The following MOB1B variants were observed in gnomAD, a reference collection of about 807,000 sequenced individuals.
MOB1B encodes MOB kinase activator 1B.
A neutral mutation model predicts 24.4 loss-of-function variants in MOB1B; 19 were observed. The ratio of observed to expected loss-of-function variants is 0.78; its 90% CI spans 0.54 to 1.14. MOB1B has a LOEUF of 1.14. MOB1B is among the 50% of genes most tolerant of loss of function. The pLI is 0.00. For missense variants in MOB1B, 243 were observed against 259.6 expected (o/e 0.94, Z 0.44); for synonymous variants, 76 against 82.1 (o/e 0.93, Z 0.40).
chr4:70,975,810 A>T (rs1738962261), intron 4 of MOB1B: 2 of 927,242 alleles, frequency 2.2e-6, no homozygotes, highest in African/African-American at 1.8e-5. Context: ...TTTTAATCTT[A>T]TGCACTTACA....
At chr4:70,956,756 TGAGTA>T (rs1206290378) in intron 1 of MOB1B, among the ~76,000 whole-genome samples, 1 of 152,136 alleles carries the variant, frequency 6.6e-6, no homozygotes, top group Non-Finnish European at 1.5e-5. Context: ...CTTTTGCTGT[TGAGTA>T]GAGATAGGAG....
rs187272978 is a variant in MOB1B, at chr4:70,934,035, A to G, written c.15-24839A>G. 4.1e-3 allele frequency among the ~76,000 whole-genome samples: 627 copies of G among 152,246 alleles called. 3 individuals carry two copies. Among genetic ancestry groups the G allele is most frequent in the Non-Finnish European group, 7.1e-3 (482 of 68,014 alleles). ...AGATCTTGTCTCTACAAAGAAGAAA[A>G]AAAGTTTTGCAAATACCACATACAT... On this transcript the variant is annotated intron_variant, in intron 1 of 5. Transcript: ENST00000309395.
At chr4:70,910,531 T>C (rs1441659622) in intron 1 of MOB1B, among the ~76,000 whole-genome samples, 2 of 152,044 alleles carry the variant, frequency 1.3e-5, no homozygotes, top group East Asian at 3.9e-4. Context: ...GGAAGTCTTA[T>C]GTTACCAGGC....
intron 2 of MOB1B, among the ~76,000 whole-genome samples, chr4:70,969,453 A>G (rs1738666531): frequency 6.6e-6 from 1 of 152,080 alleles, no homozygotes; most frequent in Non-Finnish European, 1.5e-5. Flanking sequence ...AATGTGTTGG[A>G]TTCTTGCCTT....
Position 70,968,881 on chromosome 4 carries a change from C to G in MOB1B, c.182-1050C>G, listed in dbSNP as rs145598176. Among the ~76,000 whole-genome samples the G allele has an allele frequency of 2.0e-3, 298 of 152,266 alleles. 1 individual carries two copies. Among genetic ancestry groups the G allele is most frequent in the African/African-American group, 6.8e-3 (284 of 41,558 alleles). ...CAAGCCATTCTCTTGCCTCAGCCTC[C>G]CAAAATGCTGGGATTACAGGTGTGA... On this transcript the variant is annotated intron_variant, in intron 2 of 5. Coordinates refer to ENST00000309395, the MANE Select transcript of MOB1B (RefSeq NM_173468.4).
intron 1 of MOB1B, among the ~76,000 whole-genome samples, chr4:70,946,634 A>G (rs567457937): frequency 5.3e-5 from 8 of 152,334 alleles, no homozygotes; most frequent in African/African-American, 1.9e-4. Context: ...GAAAAATGCT[A>G]GTTCCTATTG....
intron 1 of MOB1B, among the ~76,000 whole-genome samples, chr4:70,938,713 TAAATCCC>T (rs1393499433): frequency 0.028 from 3 of 106 alleles, no homozygotes; most frequent in African/African-American, 0.11. Flanking sequence ...CACTAATTCC[TAAATCCC>T]TAAATCTTTT....
At chr4:70,946,475 T>C (rs541061406) in intron 1 of MOB1B, among the ~76,000 whole-genome samples, 7 of 152,196 alleles carry the variant, frequency 4.6e-5, no homozygotes, top group Admixed American at 6.5e-5. Context: ...AAAAGAAATA[T>C]AAACAAATAA....
At position 70,940,665 on chromosome 4, in the gene MOB1B, T is replaced by C. The variant is rs868587715; in HGVS notation, c.15-18209T>C. On this transcript the variant is annotated intron_variant, in intron 1 of 5. Transcript: ENST00000309395. Reference sequence around the variant, plus strand: ...TTTCAGGTTAATAATAAAAATAATATTAGGGCATTAATTTTTTTTTTTTTT... The same window carrying C: ...TTTCAGGTTAATAATAAAAATAATACTAGGGCATTAATTTTTTTTTTTTTT... Among the ~76,000 whole-genome samples, 20 of 151,958 alleles carry C rather than the reference T, an allele frequency of 1.3e-4. No homozygotes were observed. The Middle Eastern group carries it at 0.017, about 131-fold the overall frequency.
intron 1 of MOB1B, among the ~76,000 whole-genome samples, chr4:70,933,521 G>A (rs1578364429): frequency 1.3e-5 from 2 of 149,972 alleles, no homozygotes; most frequent in East Asian, 3.9e-4. Flanking sequence ...TAGTTCTATA[G>A]GGCTTGTAAT....
upstream of MOB1B, among the ~76,000 whole-genome samples, chr4:70,902,110 G>A (rs564773467): frequency 2.0e-5 from 3 of 152,294 alleles, no homozygotes; most frequent in East Asian, 3.9e-4. Flanking sequence ...CTCCTAACCG[G>A]GTGGACAGGG....
At chr4:70,955,388 G>T (rs1300213402) in intron 1 of MOB1B, among the ~76,000 whole-genome samples, 1 of 151,076 alleles carries the variant, frequency 6.6e-6, no homozygotes, top group Admixed American at 6.6e-5. Context: ...AGTTATAGGA[G>T]ACCTCTTTTC....
At chr4:70,956,218 A>C (rs990853226) in intron 1 of MOB1B, among the ~76,000 whole-genome samples, 2 of 152,114 alleles carry the variant, frequency 1.3e-5, no homozygotes, top group Admixed American at 6.6e-5. Context: ...CTAAGCAGAG[A>C]TGTATCATAA....
chr4:70,908,571 G>A (rs1169695455), intron 1 of MOB1B, among the ~76,000 whole-genome samples: 84 of 143,060 alleles, frequency 5.9e-4, no homozygotes, highest in Middle Eastern at 4.3e-3. Context: ...TCAGGAGTTT[G>A]AGACCAGCCT....
At chr4:70,959,461 A>C (rs1159054634) in intron 2 of MOB1B, among the ~76,000 whole-genome samples, 1 of 152,182 alleles carries the variant, frequency 6.6e-6, no homozygotes, top group Non-Finnish European at 1.5e-5. Flanking sequence ...TGATCCTTCT[A>C]TCTCAGCCTT....
At chr4:70,942,439 T>C (rs1026352497) in intron 1 of MOB1B, among the ~76,000 whole-genome samples, 1 of 152,150 alleles carries the variant, frequency 6.6e-6, no homozygotes, top group African/African-American at 2.4e-5. Context: ...TGGATTTCTT[T>C]ATTTTTTTAA....
intron 5 of MOB1B, among the ~76,000 whole-genome samples, chr4:70,979,976 C>A (rs1739138919): frequency 6.6e-6 from 1 of 152,140 alleles, no homozygotes; most frequent in Admixed American, 6.5e-5. Context: ...AAAGAGCTGA[C>A]CAGTTTTTTA....
intron 1 of MOB1B, among the ~76,000 whole-genome samples, chr4:70,912,758 G>A (rs1470115799): frequency 1.3e-5 from 2 of 152,144 alleles, no homozygotes; most frequent in African/African-American, 4.8e-5. Flanking sequence ...TGTCTGTAGT[G>A]TTTTTCTTTT....
At chr4:70,972,677 G>A (rs1738807984) in intron 3 of MOB1B, among the ~76,000 whole-genome samples, 1 of 152,038 alleles carries the variant, frequency 6.6e-6, no homozygotes, top group African/African-American at 2.4e-5. Flanking sequence ...AATGAAGGAA[G>A]TCATTCTAAG....
Sources: allele counts gnomAD v4.1 joint callset (sites outside exome capture counted in the v4.1 genomes callset), GRCh38; gene constraint gnomAD v4.1.1; transcripts MANE v1.5; gene names NCBI Gene and HGNC (gene_info 2026-07-23, HGNC 2026-07-21).